Variants in XPR1 observed in about 807,000 individuals in gnomAD.
The protein encoded by XPR1 is xenotropic and polytropic retrovirus receptor 1, also known as solute carrier family 53 member 1.
In XPR1, 28 loss-of-function variants were observed where a neutral mutation model predicts 87.5. The ratio of observed to expected loss-of-function variants is 0.32; its 90% CI spans 0.24 to 0.44. XPR1 has a LOEUF of 0.44. XPR1 is among the 20% of genes least tolerant of loss of function. The probability of loss-of-function intolerance (pLI) is 1.00; values close to 1 mark genes in which losing one functional copy is unlikely to be tolerated. For synonymous variants in XPR1, 300 were observed against 306.1 expected, an observed-to-expected ratio of 0.98 and a Z score of 0.21; for missense variants, 559 against 862.3, an observed-to-expected ratio of 0.65 and a Z score of 4.41.
At chr1:180,655,977 C>T (rs1308698181) in intron 1 of XPR1, among the ~76,000 whole-genome samples, 1 of 151,912 alleles carries the variant, frequency 6.6e-6, no homozygotes, top group Non-Finnish European at 1.5e-5. Context: ...ATTATCCTCT[C>T]TTAGTTATTT....
chr1:180,846,060 G>T (rs1651669246), intron 11 of XPR1, among the ~76,000 whole-genome samples: 1 of 152,112 alleles, frequency 6.6e-6, no homozygotes, highest in Non-Finnish European at 1.5e-5. Context: ...GGGAGTTCAA[G>T]ACCAGCCTAG....
At chr1:180,793,512 TTAAG>T (rs1272962722) in intron 3 of XPR1, among the ~76,000 whole-genome samples, 2 of 152,090 alleles carry the variant, frequency 1.3e-5, no homozygotes, top group South Asian at 2.1e-4. Flanking sequence ...AAAATGTAGA[TTAAG>T]TAGGTATTTT....
Position 180,889,021 on chromosome 1 carries a change from T to C in XPR1, c.*4955T>C, listed in dbSNP as rs1653103752. ...GGCATGGCTCATGATGCCTTTCTTGTATGAATTATCAAAACTGATACTGAG... is the reference window on the plus strand; with the variant it reads ...GGCATGGCTCATGATGCCTTTCTTGCATGAATTATCAAAACTGATACTGAG... On this transcript the variant is annotated 3_prime_UTR_variant, in exon 15 of 15. Coordinates refer to ENST00000367590, the MANE Select transcript of XPR1 (RefSeq NM_004736.4). 6.6e-6 allele frequency: 1 copy of C among 152,212 alleles called. No homozygotes were observed. The highest frequency in any genetic ancestry group is 6.5e-5 in the Admixed American group (1 of 15,286). 9.4% of individuals were successfully genotyped at this position (152,212 alleles called of 1,614,324 possible).
At chr1:180,673,362 A>G (rs547801363) in intron 1 of XPR1, among the ~76,000 whole-genome samples, 5 of 152,390 alleles carry the variant, frequency 3.3e-5, no homozygotes, top group African/African-American at 1.2e-4. Flanking sequence ...TATTAAAATC[A>G]TAAACTGGGA....
intron 2 of XPR1, among the ~76,000 whole-genome samples, chr1:180,693,417 C>T (rs1466705134): frequency 6.6e-6 from 1 of 152,130 alleles, no homozygotes; most frequent in Non-Finnish European, 1.5e-5. Context: ...AAGAGATACT[C>T]TAAAAATCAT....
intron 6 of XPR1, among the ~76,000 whole-genome samples, chr1:180,809,069 A>G (rs903192750): frequency 6.6e-6 from 1 of 152,200 alleles, no homozygotes; most frequent in Non-Finnish European, 1.5e-5. Context: ...ATGAAACACT[A>G]CTTAGCAATA....
chr1:180,640,907 C>A (rs4083591), intron 1 of XPR1, among the ~76,000 whole-genome samples: 115,263 of 152,120 alleles, frequency 0.76, 43,871 homozygotes, highest in East Asian at 0.82. Context: ...AACTTTTAAG[C>A]TTATTTAGCT....
At chr1:180,724,558 G>T (rs545022680) in intron 2 of XPR1, among the ~76,000 whole-genome samples, 46 of 151,824 alleles carry the variant, frequency 3.0e-4, no homozygotes, top group Non-Finnish European at 5.4e-4. Context: ...GTTAAGTAAG[G>T]GTTTGTGGGT....
At chr1:180,807,957 T>C (rs987157287) in intron 6 of XPR1, among the ~76,000 whole-genome samples, 2 of 152,106 alleles carry the variant, frequency 1.3e-5, no homozygotes, top group African/African-American at 4.8e-5. Flanking sequence ...TGAGCCGAGA[T>C]CGCGCCACTG....
chr1:180,637,735 G>T (rs978042399), intron 1 of XPR1, among the ~76,000 whole-genome samples: 1 of 152,062 alleles, frequency 6.6e-6, no homozygotes, highest in African/African-American at 2.4e-5. Context: ...TGTATTTTTA[G>T]TAGAGACAGG....
At chr1:180,808,838 A>G (rs1293861904) in intron 6 of XPR1, among the ~76,000 whole-genome samples, 1 of 152,208 alleles carries the variant, frequency 6.6e-6, no homozygotes, top group Admixed American at 6.5e-5. Flanking sequence ...TTGGTGGAAT[A>G]TAAAATGTAT....
intron 1 of XPR1, among the ~76,000 whole-genome samples, chr1:180,645,067 A>C (rs1203317373): frequency 6.6e-6 from 1 of 152,226 alleles, no homozygotes; most frequent in Admixed American, 6.5e-5. Context: ...TGATAATCTC[A>C]GGACATTCTG....
intron 2 of XPR1, among the ~76,000 whole-genome samples, chr1:180,766,460 A>G (rs574367799): frequency 1.3e-5 from 2 of 152,320 alleles, no homozygotes; most frequent in East Asian, 3.8e-4. Context: ...ATATAATTCT[A>G]AGTAGTAATA....
intron 2 of XPR1, among the ~76,000 whole-genome samples, chr1:180,745,089 G>A (rs1659046371): frequency 6.6e-6 from 1 of 152,176 alleles, no homozygotes; most frequent in African/African-American, 2.4e-5. Context: ...GACCAGATAT[G>A]TGTCAGTTGC....
In XPR1 at chr1:180,825,341, G is replaced by T; in HGVS notation, c.1131G>T (p.Leu377=). The part of the protein sequence containing the change: ...YYKSRFWLLK[L]LFRVFTAPFH... The stretch of plus-strand genomic sequence containing the variant: ...AATCCCGGTTTTGGCTGCTTAAACT[G>T]CTGGTAAGTCCAGAAACTTGTGTAC... The change falls in exon 9 of 15, where the codon CTG becomes CTT. Residue 377 remains leucine (L), a synonymous_variant. Coordinates refer to ENST00000367590, the MANE Select transcript of XPR1 (RefSeq NM_004736.4). The T allele has an allele frequency of 1.2e-6, 2 of 1,610,768 alleles. No individual in the cohort carries two copies. The highest frequency in any genetic ancestry group is 1.3e-5 in the African/African-American group (1 of 74,852).
At chr1:180,731,578 A>G (rs1465230727) in intron 2 of XPR1, among the ~76,000 whole-genome samples, 1 of 152,222 alleles carries the variant, frequency 6.6e-6, no homozygotes, top group Non-Finnish European at 1.5e-5. Context: ...TAACAGCAGA[A>G]GGGTTAATTT....
At position 180,750,756 on chromosome 1, in the gene XPR1, A is replaced by G. The variant is rs183863964; in HGVS notation, c.122-36997A>G. On this transcript the variant is annotated intron_variant, in intron 2 of 14. Transcript: ENST00000367590. ...AATTTCCATATAAATTTTTAAATCT[A>G]CTTGTCAATTTTTGCAAAACAGTCT... Among the ~76,000 whole-genome samples the G allele has an allele frequency of 4.1e-4, 63 of 152,198 alleles. No homozygotes were observed. In the East Asian group the frequency reaches 0.01, roughly 25 times the overall value.
chr1:180,676,385 A>G (rs1256726410), intron 1 of XPR1, among the ~76,000 whole-genome samples: 1 of 152,186 alleles, frequency 6.6e-6, no homozygotes, highest in East Asian at 1.9e-4. Context: ...AATCTCTGAT[A>G]TTATTTGTTC....
At chr1:180,794,612 T>C (rs1397655864) in intron 3 of XPR1, among the ~76,000 whole-genome samples, 1 of 152,126 alleles carries the variant, frequency 6.6e-6, no homozygotes, top group Non-Finnish European at 1.5e-5. Flanking sequence ...AGGAAGAAAG[T>C]GGGATTGAGG....
Sources: allele counts gnomAD v4.1 joint callset (sites outside exome capture counted in the v4.1 genomes callset), GRCh38; gene constraint gnomAD v4.1.1; transcripts MANE v1.5; gene names NCBI Gene and HGNC (gene_info 2026-07-23, HGNC 2026-07-21).